The following GMPS variants were observed in gnomAD, a reference collection of about 807,000 sequenced individuals.
GMPS encodes the protein guanosine monophosphate synthase.
In GMPS, 15 loss-of-function variants were observed where a neutral mutation model predicts 77.9. The observed-to-expected ratio is 0.19, with a 90% CI of 0.13 to 0.30. GMPS has a LOEUF of 0.30. Among genes scored for constraint, GMPS ranks in the 10% least tolerant of loss-of-function variants. The pLI, the probability that GMPS is intolerant of heterozygous loss-of-function variation, is 1.00. For synonymous variants in GMPS, 224 were observed against 275.9 expected (o/e 0.81, Z 1.86); for missense variants, 590 against 838.8 (o/e 0.70, Z 3.66).
intron 9 of GMPS, 109 bp from the exon 10 acceptor site, chr3:155,919,124 G>A: frequency 1.7e-6 from 1 of 577,598 alleles, no homozygotes; most frequent in East Asian, 2.8e-5. Flanking sequence ...GTAATAATCT[G>A]TTAGTCTAAG....
At position 155,901,197 on chromosome 3, in the gene GMPS, CT is replaced by C. The variant is rs535815297; in HGVS notation, c.325-2658del. Among the ~76,000 whole-genome samples, 243 of 151,990 alleles carry C rather than the reference CT, an allele frequency of 1.6e-3. 1 individual carries two copies. Among genetic ancestry groups the C allele is most frequent in the African/African-American group, 5.3e-3 (220 of 41,486 alleles). On this transcript the variant is annotated intron_variant, in intron 3 of 15. Transcript: ENST00000496455. ...CTGAATTTTGTTATTCATTCCCTTT[CT>C]TTTTTTTATGGCTTTATGCATATGT...
intron 12 of GMPS, among the ~76,000 whole-genome samples, chr3:155,927,842 G>A (rs1446816963): frequency 1.3e-5 from 2 of 150,648 alleles, no homozygotes; most frequent in African/African-American, 4.8e-5. Flanking sequence ...ACCTTTCTGT[G>A]CCTTTCCAAG....
chr3:155,887,673 CA>C (rs1471618665), intron 1 of GMPS, among the ~76,000 whole-genome samples: 3 of 152,118 alleles, frequency 2.0e-5, no homozygotes, highest in African/African-American at 7.2e-5. Context: ...AGATAATTAT[CA>C]ATGTTAACTT....
chr3:155,935,902 TAC>T (rs571899208), intron 14 of GMPS, among the ~76,000 whole-genome samples: 1 of 152,182 alleles, frequency 6.6e-6, no homozygotes, highest in Non-Finnish European at 1.5e-5. Flanking sequence ...AAATATTAAA[TAC>T]AGTGTCTTAA....
At chr3:155,877,020 A>T (rs772831291) in intron 1 of GMPS, among the ~76,000 whole-genome samples, 6 of 152,184 alleles carry the variant, frequency 3.9e-5, no homozygotes, top group Non-Finnish European at 7.3e-5. Context: ...TAACCTTTTA[A>T]TCTCAAAACT....
chr3:155,895,416 T>C (rs1289812669), intron 2 of GMPS: 1 of 152,238 alleles, frequency 6.6e-6, no homozygotes, highest in Non-Finnish European at 1.5e-5. Context: ...ACCTGGCAGA[T>C]TCTCCTGCCT....
At chr3:155,895,485 A>C (rs1411789035) in intron 2 of GMPS, 1 of 151,604 alleles carries the variant, frequency 6.6e-6, no homozygotes, top group Non-Finnish European at 1.5e-5. Context: ...TAATTTTTTT[A>C]TTTTTAGGAG....
chr3:155,891,695 C>T (rs1754471001), intron 1 of GMPS, among the ~76,000 whole-genome samples: 1 of 151,556 alleles, frequency 6.6e-6, no homozygotes. Flanking sequence ...CAACTTCCGC[C>T]TCCTGGGTTC....
At chr3:155,878,191 CAT>C (rs1047447273) in intron 1 of GMPS, among the ~76,000 whole-genome samples, 1 of 152,180 alleles carries the variant, frequency 6.6e-6, no homozygotes, top group Non-Finnish European at 1.5e-5. Flanking sequence ...TAGGTTTCAA[CAT>C]ATGAATTTTA....
intron 2 of GMPS, among the ~76,000 whole-genome samples, chr3:155,896,890 A>G (rs924474428): frequency 1.3e-5 from 2 of 152,156 alleles, no homozygotes; most frequent in South Asian, 4.2e-4. Flanking sequence ...TTTTTATTAG[A>G]TTTTACAATG....
chr3:155,888,274 T>C (rs559352362), intron 1 of GMPS, among the ~76,000 whole-genome samples: 1 of 151,516 alleles, frequency 6.6e-6, no homozygotes, highest in Non-Finnish European at 1.5e-5. Context: ...CGTTCTGAGT[T>C]CATAGACTAA....
rs569679189 is a variant in GMPS at position 155,942,481 on chromosome 3, C to T, written c.*4789C>T. ...ATCAAACTCATAGGTGAATCTTTGT[C>T]AAACCTATAGGAGAGAGATGCAGGC... On this transcript the variant is annotated 3_prime_UTR_variant, in exon 16 of 16. Coordinates refer to ENST00000496455, the MANE Select transcript of GMPS (RefSeq NM_003875.3). 6 of 224,884 alleles carry T rather than the reference C, an allele frequency of 2.7e-5. No individual in the cohort carries two copies. The highest frequency in any genetic ancestry group is 1.3e-4 in the African/African-American group (6 of 44,826). 13.9% of individuals were successfully genotyped at this position (224,884 alleles called of 1,614,324 possible).
intron 12 of GMPS, 82 bp from the exon 13 acceptor site, chr3:155,931,683 T>TTAAAAA (rs745576751): frequency 1.8e-4 from 70 of 398,986 alleles, no homozygotes; most frequent in Middle Eastern, 7.8e-4. Context: ...CTTTTTTTTT[T>TTAAAAA]AAAAAAAAAA....
chr3:155,943,266 C>T lies in GMPS; in HGVS notation c.*5574C>T, dbSNP rs1445284035. On this transcript the variant is annotated 3_prime_UTR_variant, in exon 16 of 16. Transcript: ENST00000496455. ...ACAACATATTTGTTCACTTTTGAAC[C>T]CTGTGGTGTCTTTTAACTTTGTTAA... 1 of 180,144 alleles carries T rather than the reference C, an allele frequency of 5.6e-6. No homozygotes were observed. The highest frequency in any genetic ancestry group is 6.3e-5 in the Admixed American group (1 of 15,860). 11.2% of individuals were successfully genotyped at this position (180,144 alleles called of 1,614,324 possible).
chr3:155,914,093 C>G (rs1204258548), intron 7 of GMPS, among the ~76,000 whole-genome samples: 1 of 151,944 alleles, frequency 6.6e-6, no homozygotes, highest in Non-Finnish European at 1.5e-5. Flanking sequence ...ACTACAGGCA[C>G]CCGTCACCAC....
At position 155,911,205 on chromosome 3, in the gene GMPS, A is replaced by G; in HGVS notation, c.812A>G (p.Asp271Gly). ...NQEQVIAVHI[D>G]NGFMRKRESQ... ...GAACAAGTCATTGCTGTGCACATTG[A>G]TAATGGCTTTATGAGAAAACGAGAA... Residue 271 changes from aspartate (D) to glycine (G), a missense_variant, in exon 7 of 16, where the codon GAT becomes GGT. Coordinates refer to ENST00000496455, the MANE Select transcript of GMPS (RefSeq NM_003875.3). The G allele has an allele frequency of 3.1e-6, 5 of 1,613,206 alleles. No individual in the cohort carries two copies. The highest frequency in any genetic ancestry group is 1.3e-5 in the African/African-American group (1 of 75,050).
intron 14 of GMPS, among the ~76,000 whole-genome samples, chr3:155,936,081 G>A (rs981411335): frequency 3.3e-5 from 5 of 152,146 alleles, no homozygotes; most frequent in African/African-American, 1.2e-4. Context: ...TTATAATAGA[G>A]AATAATGAGA....
chr3:155,943,706 A>G lies in GMPS; in HGVS notation c.*6014A>G, dbSNP rs1012606942. 1 of 169,534 alleles carries G rather than the reference A, an allele frequency of 5.9e-6. No individual in the cohort carries two copies. Among genetic ancestry groups the G allele is most frequent in the Non-Finnish European group, 1.3e-5 (1 of 77,778 alleles). 10.5% of individuals were successfully genotyped at this position (169,534 alleles called of 1,614,324 possible). On this transcript the variant is annotated 3_prime_UTR_variant, in exon 16 of 16. Coordinates refer to ENST00000496455, the MANE Select transcript of GMPS (RefSeq NM_003875.3). ...GACTTTAATCCCTTTTGTCTTCAAT[A>G]TACTTCATAAAGGAGGAAATGATGA...
chr3:155,937,920 T>C lies in GMPS; in HGVS notation c.*228T>C. 4.7e-6 allele frequency: 2 copies of C among 427,920 alleles called. No homozygotes were observed. 26.5% of individuals were successfully genotyped at this position (427,920 alleles called of 1,614,324 possible). A position where few individuals can be genotyped will look rare whatever the true frequency, so the allele number is the denominator to read the frequency against. Reference sequence around the variant, plus strand: ...GCACCATTGCCTACACTCAGACAGATTGATACTGCTTTTGCCTTTGCCTCA... The same window carrying C: ...GCACCATTGCCTACACTCAGACAGACTGATACTGCTTTTGCCTTTGCCTCA... On this transcript the variant is annotated 3_prime_UTR_variant, in exon 16 of 16. Transcript: ENST00000496455.
Sources: allele counts gnomAD v4.1 joint callset (sites outside exome capture counted in the v4.1 genomes callset), GRCh38; gene constraint gnomAD v4.1.1; transcripts MANE v1.5; gene names NCBI Gene and HGNC (gene_info 2026-07-23, HGNC 2026-07-21).